Variants in AARS2 observed in about 807,000 individuals in gnomAD.
AARS2 encodes alanyl-tRNA synthetase 2, mitochondrial.
AARS2 carries 78 observed loss-of-function variants against 119.7 expected under a neutral mutation model. The ratio of observed to expected loss-of-function variants is 0.65; its 90% confidence interval spans 0.54 to 0.79. The LOEUF is 0.79. AARS2 is among the 30% of genes least tolerant of loss of function. The probability of loss-of-function intolerance (pLI) is 0.00; values close to 1 mark genes in which losing one functional copy is unlikely to be tolerated. For missense variants in AARS2, 1,157 were observed against 1,291.3 expected (o/e 0.90, Z 1.59); for synonymous variants, 502 against 526.3 (o/e 0.95, Z 0.63).
At position 44,302,072 on chromosome 6, in the gene AARS2, C is replaced by G. The variant is rs759936273; in HGVS notation, c.2586G>C (p.Leu862=). Residue 862 remains leucine (L), a synonymous_variant, in exon 19 of 22, where the codon CTG becomes CTC. Transcript: ENST00000244571. The part of the protein sequence containing the change: ...QRRANTAIRK[L]QMGQAAKKTQ... ...AACCTCCTCTCACCTGTCCCATTTG[C>G]AGCTTACGGATGGCAGTGTTGGCAC... 1.4e-5 allele frequency: 23 copies of G among 1,613,992 alleles called. No homozygotes were observed. The highest frequency in any genetic ancestry group is 1.8e-5 in the Non-Finnish European group (21 of 1,180,032).
chr6:44,300,384 G>C lies in AARS2; in HGVS notation c.*163C>G. The C allele has an allele frequency of 1.0e-6, 1 of 973,566 alleles. No homozygotes were observed. The highest frequency in any genetic ancestry group is 1.6e-6 in the Non-Finnish European group (1 of 630,016). The allele number at this position is 973,566 out of a possible 1,614,324, so 60.3% of individuals were successfully genotyped here. A position where few individuals can be genotyped will look rare whatever the true frequency, so the allele number is the denominator to read the frequency against. On this transcript the variant is annotated 3_prime_UTR_variant, in exon 22 of 22. Transcript: ENST00000244571. ...CCCAGTTCTGCCTTCCCTAGCCCAT[G>C]TCTCCTTGTGTCACGTAGGCCCTGG...
At position 44,313,205 on chromosome 6, in the gene AARS2, G is replaced by C. The variant is rs778971317; in HGVS notation, c.119C>G (p.Ser40Trp). 3.6e-5 allele frequency: 58 copies of C among 1,608,694 alleles called. No homozygotes were observed. Among genetic ancestry groups the C allele is most frequent in the Non-Finnish European group, 4.8e-5 (56 of 1,178,558 alleles). The stretch of plus-strand genomic sequence containing the variant: ...GTTCAGAAAGGCGGCCCTCACGGCC[G>C]AGGCCTTGGCTGCAGGGGGCTCCGA... Reference protein sequence around the residue: ...LSSEPPAAKASAVRAAFLNFF... With the variant: ...LSSEPPAAKAWAVRAAFLNFF... The change falls in exon 1 of 22, where the codon TCG becomes TGG. Residue 40 changes from serine to tryptophan, a missense_variant. Physicochemically the swap from Ser to Trp is radical, Grantham distance 177. Transcript: ENST00000244571.
chr6:44,307,002 G>C lies in AARS2; in HGVS notation c.1070C>G (p.Ala357Gly). Residue 357 changes from alanine to glycine, a missense_variant, in exon 7 of 22, where the codon GCT becomes GGT. Transcript: ENST00000244571. This position sits in a 1 kb window ranked among gnomAD's most constrained non-coding sequence, Gnocchi z 4.4. The part of the protein sequence containing the change: ...PLVLRRILRR[A>G]VRFSMEILKA... ...TAAGATCTCCATGGAGAAACGCACA[G>C]CTCGACGCAGGATCCGACGAAGAAC... 1 of 1,614,112 alleles carries C rather than the reference G, an allele frequency of 6.2e-7. No homozygotes were observed. Among genetic ancestry groups the C allele is most frequent in the Non-Finnish European group, 8.5e-7 (1 of 1,179,998 alleles).
rs538957547 is a variant in AARS2, at chr6:44,309,219, G to A, written c.894+1080C>T. Among the ~76,000 whole-genome samples, 4 of 152,276 alleles carry A rather than the reference G, an allele frequency of 2.6e-5. No individual in the cohort carries two copies. In the South Asian group the frequency reaches 8.3e-4, roughly 32 times the overall value. On this transcript the variant is annotated intron_variant, in intron 5 of 21. Transcript: ENST00000244571. Reference sequence around the variant, plus strand: ...CTGTGATGTGGACAAGCCCAGACTAGCCAGCTAGGTGATGACAGACACATG... The same window carrying A: ...CTGTGATGTGGACAAGCCCAGACTAACCAGCTAGGTGATGACAGACACATG...
At chr6:44,304,381 G>A (rs755439794) in intron 13 of AARS2, 39 bp downstream of exon 13, 13 of 1,614,008 alleles carry the variant, frequency 8.1e-6, no homozygotes, top group Admixed American at 3.3e-5. Flanking sequence ...AGAGTGAAGG[G>A]GCTGCAGGGT....
chr6:44,312,986 A>G, intron 1 of AARS2, 95 bp downstream of exon 1: 1 of 1,561,822 alleles, frequency 6.4e-7, no homozygotes, highest in Non-Finnish European at 8.7e-7. Flanking sequence ...AAAGCTACGA[A>G]CTCCGCCTCT....
Position 44,312,183 on chromosome 6 carries a change from A to G in AARS2, c.324T>C (p.Cys108=), listed in dbSNP as rs1786417215. Residue 108 remains cysteine (C), a synonymous_variant, in exon 2 of 22, where the codon TGT becomes TGC. Coordinates refer to ENST00000244571, the MANE Select transcript of AARS2 (RefSeq NM_020745.4). The part of the protein sequence containing the change: ...GFRRVANSQK[C]VRAGGHHNDL... ...CGTTATGGTGTCCTCCAGCTCTCAC[A>G]CATTTCTGGCTGTTGGCCACACGTC... 6.2e-7 allele frequency: 1 copy of G among 1,614,114 alleles called. No homozygotes were observed. Among genetic ancestry groups the G allele is most frequent in the Non-Finnish European group, 8.5e-7 (1 of 1,180,060 alleles).
In AARS2 at chr6:44,300,644, G is replaced by A. The variant is rs747312867; in HGVS notation, c.2861C>T (p.Ala954Val). ...LAVCSHMGGK[A>V]WGSRVVAQGT... ...TTGGGCCACCACTCGTGAGCCCCAC[G>A]CCTTGCCCCCCATGTGGCTGCACAC... The change falls in exon 22 of 22, where the codon GCG becomes GTG. Residue 954 changes from alanine to valine, a missense_variant. By Grantham distance (64) the Ala-to-Val change is moderately conservative (BLOSUM62 0). Coordinates refer to ENST00000244571, the MANE Select transcript of AARS2 (RefSeq NM_020745.4). 3.8e-5 allele frequency: 61 copies of A among 1,613,750 alleles called. No homozygotes were observed. In the Admixed American group the frequency reaches 8.8e-4, roughly 23 times the overall value.
intron 5 of AARS2, among the ~76,000 whole-genome samples, chr6:44,308,774 A>AT (rs937057523): frequency 9.2e-5 from 14 of 151,536 alleles, no homozygotes; most frequent in African/African-American, 3.4e-4. Context: ...TGATTTTTCT[A>AT]TTTTTTTAGT....
At chr6:44,311,273 G>A (rs2153357261) in intron 3 of AARS2, 112 bp from the exon 4 acceptor site, 1 of 1,601,362 alleles carries the variant, frequency 6.2e-7, no homozygotes, top group Middle Eastern at 1.7e-4. Flanking sequence ...GAGGAACAGG[G>A]CTGACCCCAC....
chr6:44,302,097 CG>C lies in AARS2; in HGVS notation c.2560del (p.Arg854ValfsTer30). ...CAGCTTACGGATGGCAGTGTTGGCA[CG>C]CCGCTGCAGCATCTTCACTGTGGCC... Reference protein sequence around the residue: ...LLATVKMLQRRANTAIRKLQM... With the variant: ...LLATVKMLQRXANTAIRKLQM... On this transcript the variant is annotated frameshift_variant, in exon 19 of 22. Transcript: ENST00000244571. LOFTEE classifies it high-confidence loss of function. 2 of 1,614,014 alleles carry C rather than the reference CG, an allele frequency of 1.2e-6. No homozygotes were observed. The highest frequency in any genetic ancestry group is 1.7e-6 in the Non-Finnish European group (2 of 1,180,026).
rs773499483 is a variant in AARS2, at chr6:44,307,075, G to A, written c.1041-44C>T. On this transcript the variant is annotated intron_variant, in intron 6 of 21. Transcript: ENST00000244571. The surrounding 1 kb of genome is among the most constrained non-coding windows in gnomAD (Gnocchi z 4.4). ...CAGACATGAATCCCCAGCGGCTCATGGTCAGCAATATGGGGAGTGGGAAGG... is the reference window on the plus strand; with the variant it reads ...CAGACATGAATCCCCAGCGGCTCATAGTCAGCAATATGGGGAGTGGGAAGG... 2.4e-5 allele frequency: 38 copies of A among 1,607,800 alleles called. No homozygotes were observed. Among genetic ancestry groups the A allele is most frequent in the Admixed American group, 1.3e-4 (8 of 59,796 alleles).
At chr6:44,302,341 G>C in intron 18 of AARS2, 50 bp downstream of exon 18, 1 of 1,613,724 alleles carries the variant, frequency 6.2e-7, no homozygotes, top group Non-Finnish European at 8.5e-7. Context: ...GGGAGGAATA[G>C]GGGAGGTAAT....
rs980546408 is a variant in AARS2, at chr6:44,313,079, A to T, written c.243+2T>A. 6.2e-7 allele frequency: 1 copy of T among 1,613,206 alleles called. No individual in the cohort carries two copies. The stretch of plus-strand genomic sequence containing the variant: ...TCCCTATCAGTATGGTTCGGCCCTC[A>T]CCTGGTTCATGCCCGCATTGACAAA... On this transcript the variant is annotated splice_donor_variant, in intron 1 of 21. Transcript: ENST00000244571. LOFTEE classifies it high-confidence loss of function.
chr6:44,306,675 G>C, intron 7 of AARS2, 143 bp from the exon 8 acceptor site: 1 of 1,109,622 alleles, frequency 9.0e-7, no homozygotes, highest in Admixed American at 1.7e-5. Flanking sequence ...TGGGGAACTG[G>C]TTTCCCTGTA....
Position 44,312,207 on chromosome 6 carries a change from T to C in AARS2, c.300A>G (p.Arg100=). The change falls in exon 2 of 22, where the codon CGA becomes CGG. Residue 100 remains arginine, a synonymous_variant. Coordinates refer to ENST00000244571, the MANE Select transcript of AARS2 (RefSeq NM_020745.4). Reference sequence around the variant, plus strand: ...CACATTTCTGGCTGTTGGCCACACGTCGGAAGCCTGCCATCTCGCTTCGTG... The same window carrying C: ...CACATTTCTGGCTGTTGGCCACACGCCGGAAGCCTGCCATCTCGCTTCGTG... ...VDPRSEMAGF[R]RVANSQKCVR... is the part of the protein sequence containing the mutation. 1 of 1,614,082 alleles carries C rather than the reference T, an allele frequency of 6.2e-7. No homozygotes were observed. Among genetic ancestry groups the C allele is most frequent in the Non-Finnish European group, 8.5e-7 (1 of 1,179,918 alleles).
chr6:44,301,587 T>C, intron 19 of AARS2, 123 bp from the exon 20 acceptor site: 1 of 956,764 alleles, frequency 1.0e-6, no homozygotes, highest in Non-Finnish European at 1.6e-6. Context: ...CCAAAAGTCA[T>C]TAGCTCTAGG....
chr6:44,311,971 G>T, intron 2 of AARS2, 101 bp downstream of exon 2: 1 of 1,408,696 alleles, frequency 7.1e-7, no homozygotes, highest in Non-Finnish European at 1.0e-6. Flanking sequence ...CTAGCACTTT[G>T]CCTCCACATC....
chr6:44,310,269 G>T, intron 5 of AARS2, 30 bp downstream of exon 5: 1 of 1,570,048 alleles, frequency 6.4e-7, no homozygotes, highest in South Asian at 1.2e-5. Context: ...GAGCAGGTTA[G>T]AGGGCTTCTG....
Sources: allele counts gnomAD v4.1 joint callset (sites outside exome capture counted in the v4.1 genomes callset), GRCh38; gene constraint gnomAD v4.1.1; non-coding constraint Gnocchi (gnomAD v3.1); transcripts MANE v1.5; gene names NCBI Gene and HGNC (gene_info 2026-07-23, HGNC 2026-07-21).